Variants in SYN1 observed in about 807,000 individuals in gnomAD.
SYN1 encodes the protein synapsin I, also known as synapsin-1.
In SYN1, 8 loss-of-function variants were observed where a neutral mutation model predicts 44.6. That is an observed-to-expected ratio of 0.18 (90% CI 0.11 to 0.32). The LOEUF (loss-of-function observed/expected upper bound fraction) is 0.32, where lower values mean the gene tolerates loss of function less well. SYN1 is among the 10% of genes least tolerant of loss of function. The pLI is 1.00. For synonymous variants in SYN1, 275 were observed against 280.1 expected, an observed-to-expected ratio of 0.98 and a Z score of 0.18; for missense variants, 451 against 639.4, an observed-to-expected ratio of 0.71 and a Z score of 3.18.
chrX:47,608,825 G>GGGGGAGA (rs1201070683), intron 1 of SYN1, among the ~76,000 whole-genome samples: 1 of 108,461 alleles, frequency 9.2e-6, no homozygotes, highest in East Asian at 2.9e-4. Flanking sequence ...AGGGGGATGA[G>GGGGGAGA]GGGGAGAGAC....
intron 5 of SYN1, chrX:47,585,112 C>G (rs974908751): frequency 1.7e-6 from 2 of 1,165,169 alleles, no homozygotes; most frequent in African/African-American, 3.6e-5. Flanking sequence ...AGAAAGTTGG[C>G]TGTGATCTTG....
intron 5 of SYN1, among the ~76,000 whole-genome samples, chrX:47,590,994 G>A (rs755770253): frequency 8.9e-6 from 1 of 112,410 alleles, no homozygotes; most frequent in South Asian, 3.7e-4. Context: ...CTGGGCTCAA[G>A]TGATCCTCCC....
At chrX:47,581,747 C>T (rs921055514) in intron 5 of SYN1, among the ~76,000 whole-genome samples, 1 of 111,906 alleles carries the variant, frequency 8.9e-6, no homozygotes, top group Non-Finnish European at 1.9e-5. Flanking sequence ...TGCTGAGTGC[C>T]TGGTATACAG....
chrX:47,606,712 G>C (rs1289921992), intron 3 of SYN1, among the ~76,000 whole-genome samples: 2 of 107,354 alleles, frequency 1.9e-5, no homozygotes, highest in African/African-American at 6.9e-5. Flanking sequence ...CTGGGAGACA[G>C]AGCAAGACCC....
At chrX:47,590,489 T>C (rs780088296) in intron 5 of SYN1, among the ~76,000 whole-genome samples, 4 of 112,166 alleles carry the variant, frequency 3.6e-5, no homozygotes, top group Non-Finnish European at 7.5e-5. Context: ...CAGTCCGTAG[T>C]GTTCTGAGTC....
At chrX:47,575,670 C>T (rs759942125) in intron 9 of SYN1, among the ~76,000 whole-genome samples, 23 of 112,158 alleles carry the variant, frequency 2.1e-4, no homozygotes, top group Non-Finnish European at 3.9e-4. Flanking sequence ...TTTAACATAT[C>T]GTCTATGGCT....
At chrX:47,591,168 G>T (rs1335314467) in intron 5 of SYN1, among the ~76,000 whole-genome samples, 1 of 112,395 alleles carries the variant, frequency 8.9e-6, no homozygotes, top group African/African-American at 3.2e-5. Context: ...TACAGGCGTG[G>T]GCCATCAGGC....
intron 9 of SYN1, among the ~76,000 whole-genome samples, chrX:47,575,621 A>C (rs899691207): frequency 8.9e-6 from 1 of 112,866 alleles, no homozygotes; most frequent in Non-Finnish European, 1.9e-5. Context: ...TTCAATGTCC[A>C]TAAACAAAGT....
intron 5 of SYN1, among the ~76,000 whole-genome samples, chrX:47,596,898 A>G (rs987117149): frequency 7.1e-5 from 8 of 112,651 alleles, no homozygotes; most frequent in African/African-American, 2.6e-4. Context: ...CCCAGATGTT[A>G]GACTTAATAG....
At position 47,619,827 on chromosome X, in the gene SYN1, G is replaced by C. The variant is rs753889772; in HGVS notation, c.-99C>G. On this transcript the variant is annotated 5_prime_UTR_variant, in exon 1 of 13. Transcript: ENST00000295987. The stretch of plus-strand genomic sequence containing the variant: ...GGAGCACAGCTGCGCTCTCAGGCAC[G>C]ACACGACTCCTCCGCTGCCCACCGC... 8 of 919,713 alleles carry C rather than the reference G, an allele frequency of 8.7e-6. No homozygotes were observed. The East Asian group carries it at 1.8e-4, about 21-fold the overall frequency. 75.8% of individuals were successfully genotyped at this position (919,713 alleles called of 1,213,427 possible). A position where few individuals can be genotyped will look rare whatever the true frequency, so the allele number is the denominator to read the frequency against.
At chrX:47,581,670 G>A (rs192658571) in intron 5 of SYN1, among the ~76,000 whole-genome samples, 34 of 112,169 alleles carry the variant, frequency 3.0e-4, no homozygotes, top group Non-Finnish European at 5.1e-4. Context: ...TTCCTCATCC[G>A]TAAAACGGGA....
intron 9 of SYN1, 53 bp from the exon 10 acceptor site, chrX:47,575,327 G>A (rs1266890062): frequency 2.5e-6 from 3 of 1,183,603 alleles, no homozygotes; most frequent in African/African-American, 3.5e-5. Flanking sequence ...CACCTGAGGC[G>A]GCAGTAACAC....
At chrX:47,573,853 G>A (rs2057767897) in intron 12 of SYN1, 149 bp downstream of exon 12, 1 of 486,452 alleles carries the variant, frequency 2.1e-6, no homozygotes, top group Non-Finnish European at 3.0e-6. Context: ...CGAAAGCTTG[G>A]GGGAAGGGCT....
At chrX:47,583,117 C>A (rs1271925087) in intron 5 of SYN1, among the ~76,000 whole-genome samples, 2 of 94,782 alleles carry the variant, frequency 2.1e-5, no homozygotes, top group East Asian at 7.1e-4. Context: ...ATTCCCCAAT[C>A]CCCTCATTCC....
intron 5 of SYN1, among the ~76,000 whole-genome samples, chrX:47,583,793 T>G (rs1002150296): frequency 8.9e-6 from 1 of 111,982 alleles, no homozygotes; most frequent in Admixed American, 9.4e-5. Flanking sequence ...AAACGTCACC[T>G]TCTCAGGATG....
intron 10 of SYN1, 40 bp from the exon 11 acceptor site, chrX:47,574,815 T>A: frequency 1.8e-6 from 2 of 1,090,924 alleles, no homozygotes; most frequent in Non-Finnish European, 2.5e-6. Flanking sequence ...TAAAAATAGT[T>A]ACCAGCCAGT....
chrX:47,602,746 A>C (rs115406444), intron 5 of SYN1, among the ~76,000 whole-genome samples: 4,799 of 112,114 alleles, frequency 0.043, 257 homozygotes, highest in African/African-American at 0.15. Flanking sequence ...TACTGGTAAG[A>C]ATTGCTAATA....
intron 5 of SYN1, chrX:47,582,724 T>C (rs1278197171): frequency 1.1e-5 from 2 of 187,678 alleles, no homozygotes; most frequent in Middle Eastern, 6.5e-4. Flanking sequence ...CCCCCTAATA[T>C]CACAAATGCT....
intron 5 of SYN1, among the ~76,000 whole-genome samples, chrX:47,591,492 G>T (rs929753086): frequency 4.5e-5 from 5 of 110,719 alleles, no homozygotes; most frequent in African/African-American, 1.3e-4. Context: ...AGGCCGAGGC[G>T]GGTGGATCAC....
Sources: gnomAD v4.1 joint callset for allele counts (sites outside exome capture counted in the v4.1 genomes callset) on GRCh38, gnomAD v4.1.1 for gene constraint, MANE v1.5 for transcripts, NCBI Gene and HGNC (gene_info 2026-07-23, HGNC 2026-07-21) for gene names.